Variants in TCERG1 observed in about 807,000 individuals in gnomAD.
The protein encoded by TCERG1 is TATA box binding protein (TBP)-associated factor, RNA polymerase II, S, 150kD.
TCERG1 carries 37 observed loss-of-function variants against 144.7 expected under a neutral mutation model. The ratio of observed to expected loss-of-function variants is 0.26; its 90% CI spans 0.20 to 0.34. The LOEUF (loss-of-function observed/expected upper bound fraction) is 0.34. Ranked by LOEUF, TCERG1 falls within the 10% of genes least tolerant of loss-of-function variation. The probability of loss-of-function intolerance (pLI) is 1.00; values close to 1 mark genes in which losing one functional copy is unlikely to be tolerated. For synonymous variants in TCERG1, 492 were observed against 458.2 expected, an observed-to-expected ratio of 1.07 and a Z score of -0.94; for missense variants, 1,027 against 1,380.7, an observed-to-expected ratio of 0.74 and a Z score of 4.06.
intron 2 of TCERG1, among the ~76,000 whole-genome samples, chr5:146,455,898 A>G (rs1224735105): frequency 6.6e-6 from 1 of 152,160 alleles, no homozygotes; most frequent in Non-Finnish European, 1.5e-5. Context: ...ATCCAGACTT[A>G]CTGTCTGAGG....
At chr5:146,447,933 C>T (rs1762030734) in intron 1 of TCERG1, among the ~76,000 whole-genome samples, 1 of 152,252 alleles carries the variant, frequency 6.6e-6, no homozygotes, top group South Asian at 2.1e-4. Context: ...TTCTTAACTT[C>T]TGTGGCTTTT....
intron 12 of TCERG1, 29 bp from the exon 13 acceptor site, chr5:146,481,121 T>G: frequency 1.0e-6 from 1 of 981,948 alleles, no homozygotes; most frequent in African/African-American, 1.7e-5. Flanking sequence ...TATAGACAAC[T>G]CTGTAAGGTT....
At chr5:146,469,782 A>G (rs758542077) in intron 7 of TCERG1, 38 bp downstream of exon 7, 1 of 1,414,336 alleles carries the variant, frequency 7.1e-7, no homozygotes, top group Non-Finnish European at 9.5e-7. Flanking sequence ...AGTAGTATAA[A>G]CTGTAATAAG....
At chr5:146,480,151 G>T (rs894984707) in intron 12 of TCERG1, 57 bp downstream of exon 12, 1 of 1,354,264 alleles carries the variant, frequency 7.4e-7, no homozygotes, top group Admixed American at 2.2e-5. Context: ...AGTCGATTTG[G>T]TAATAATTTG....
Position 146,475,550 on chromosome 5 carries a change from T to G in TCERG1, c.1602-2943T>G, listed in dbSNP as rs375511208. On this transcript the variant is annotated intron_variant, in intron 9 of 22. Transcript: ENST00000679501. ...GCCCAATATGTCAGCAGTGTAAGAT[T>G]GAAAAACTCTGGCCAAGATTGATTA... Among the ~76,000 whole-genome samples, 30 of 152,326 alleles carry G rather than the reference T, an allele frequency of 2.0e-4. 1 individual carries two copies. In the South Asian group the frequency reaches 6.0e-3, roughly 31 times the overall value.
chr5:146,500,457 G>A (rs1581561474), intron 17 of TCERG1, among the ~76,000 whole-genome samples: 1 of 152,118 alleles, frequency 6.6e-6, no homozygotes, highest in East Asian at 1.9e-4. Flanking sequence ...AGCAGTACCA[G>A]TAGCATGGTA....
intron 21 of TCERG1, among the ~76,000 whole-genome samples, chr5:146,508,218 GTTTTA>G (rs1260540002): frequency 2.6e-5 from 4 of 152,182 alleles, no homozygotes; most frequent in Admixed American, 2.6e-4. Context: ...TGAAGCTGCA[GTTTTA>G]TTTTAGTCAG....
chr5:146,458,981 C>T lies in TCERG1; in HGVS notation c.536C>T (p.Ala179Val). The change falls in exon 4 of 23, where the codon GCC (alanine) becomes GTC (valine). Residue 179 changes from alanine (A) to valine (V), a missense_variant. Physicochemically the swap from Ala to Val is moderately conservative, Grantham distance 64. This residue lies in a region of TCERG1 where 48 missense variants were observed against 80.9 expected (regional missense o/e 0.59). Transcript: ENST00000679501. ...QQSELTPMLAAQAQVQAQAQA... is the reference protein window; with the variant it reads ...QQSELTPMLAVQAQVQAQAQA... ...TCAGAACTGACACCTATGCTTGCAG[C>T]CCAGGCACAGGTTCAGGCTCAGGCC... 2 of 1,614,220 alleles carry T rather than the reference C, an allele frequency of 1.2e-6. No homozygotes were observed. The highest frequency in any genetic ancestry group is 1.7e-6 in the Non-Finnish European group (2 of 1,180,038).
chr5:146,493,090 A>T (rs749845662), intron 16 of TCERG1, 52 bp downstream of exon 16: 1 of 1,266,108 alleles, frequency 7.9e-7, no homozygotes, highest in Non-Finnish European at 1.1e-6. Flanking sequence ...TTCTCCTAAG[A>T]TCAGTTTTTA....
At chr5:146,451,919 C>G (rs1762395092) in intron 1 of TCERG1, among the ~76,000 whole-genome samples, 1 of 151,670 alleles carries the variant, frequency 6.6e-6, no homozygotes, top group South Asian at 2.1e-4. Context: ...TCTCAAGTAG[C>G]TGGGGCTACA....
Position 146,459,308 on chromosome 5 carries a change from C to T in TCERG1, c.863C>T (p.Thr288Ile). 6.2e-7 allele frequency: 1 copy of T among 1,614,234 alleles called. No homozygotes were observed. The change falls in exon 4 of 23, where the codon ACT (threonine) becomes ATT (isoleucine). Residue 288 changes from threonine to isoleucine, a missense_variant. By Grantham distance (89) the Thr-to-Ile change is moderately conservative (BLOSUM62 -1). This residue lies in a region of TCERG1 where 187 missense variants were observed against 169.1 expected (regional missense o/e 1.11). Transcript: ENST00000679501. ...TPSSTTSTTT[T>I]ATSVAQTVST... Reference sequence around the variant, plus strand: ...TCCTCTACCACTTCTACCACAACAACTGCTACTTCAGTTGCGCAGACAGTA... The same window carrying T: ...TCCTCTACCACTTCTACCACAACAATTGCTACTTCAGTTGCGCAGACAGTA...
intron 2 of TCERG1, among the ~76,000 whole-genome samples, chr5:146,456,733 C>G (rs1181253678): frequency 6.6e-6 from 1 of 152,184 alleles, no homozygotes; most frequent in Non-Finnish European, 1.5e-5. Flanking sequence ...TTTTAAATCC[C>G]TGCTCAAAAT....
At chr5:146,488,960 A>G (rs544005822) in intron 15 of TCERG1, among the ~76,000 whole-genome samples, 6 of 152,340 alleles carry the variant, frequency 3.9e-5, no homozygotes, top group African/African-American at 1.4e-4. Flanking sequence ...AAAGATAAAC[A>G]TCTTATGTTT....
chr5:146,453,308 A>C (rs61677065), intron 1 of TCERG1, among the ~76,000 whole-genome samples: 73 of 152,142 alleles, frequency 4.8e-4, no homozygotes, highest in Non-Finnish European at 8.4e-4. Flanking sequence ...AGTAATTTCA[A>C]ATTTACAAAA....
chr5:146,468,593 GCTT>G (rs1581433110), intron 6 of TCERG1, among the ~76,000 whole-genome samples, 190 bp downstream of exon 6: 1 of 152,206 alleles, frequency 6.6e-6, no homozygotes, highest in South Asian at 2.1e-4. Context: ...TGTAGTATTA[GCTT>G]CTTTGGTTCA....
At chr5:146,500,118 G>T (rs1163789392) in intron 17 of TCERG1, 2 of 150,186 alleles carry the variant, frequency 1.3e-5, no homozygotes, top group Non-Finnish European at 3.0e-5. Context: ...TTTTATTTTG[G>T]CTATAAAAAT....
At chr5:146,495,215 G>A (rs1213523074) in intron 16 of TCERG1, among the ~76,000 whole-genome samples, 1 of 152,036 alleles carries the variant, frequency 6.6e-6, no homozygotes, top group African/African-American at 2.4e-5. Context: ...TTGGATTTCA[G>A]ATTTTTTAAA....
Position 146,463,753 on chromosome 5 carries a change from GTT to G in TCERG1, c.1097_1098del (p.Phe366SerfsTer68). 6.2e-7 allele frequency: 1 copy of G among 1,614,092 alleles called. No homozygotes were observed. The highest frequency in any genetic ancestry group is 8.5e-7 in the Non-Finnish European group (1 of 1,180,022). On this transcript the variant is annotated frameshift_variant, in exon 5 of 23. Transcript: ENST00000679501. LOFTEE classifies it high-confidence loss of function. ...CTTTTCCACCAGTAATGGTACCTCCGTTTCGTGTTCCCCTTCCTGGCATGCCA... is the reference window on the plus strand; with the variant it reads ...CTTTTCCACCAGTAATGGTACCTCCGTCGTGTTCCCCTTCCTGGCATGCCA... ...PAFPPVMVPP[F>X]RVPLPGMPIP...
At chr5:146,461,984 A>G (rs1435619260) in intron 4 of TCERG1, 1 of 152,602 alleles carries the variant, frequency 6.6e-6, no homozygotes, top group African/African-American at 2.4e-5. Flanking sequence ...TCACACTGTT[A>G]TAAAATTATA....
Sources: allele counts gnomAD v4.1 joint callset (sites outside exome capture counted in the v4.1 genomes callset), GRCh38; gene constraint gnomAD v4.1.1; regional missense constraint gnomAD v4.1.1; transcripts MANE v1.5; gene names NCBI Gene and HGNC (gene_info 2026-07-23, HGNC 2026-07-21).